The following NBEAL1 variants were observed in gnomAD, a reference collection of about 807,000 sequenced individuals.
The protein encoded by NBEAL1 is neurobeachin-like protein 1.
NBEAL1 carries 273 observed loss-of-function variants against 351.3 expected under a neutral mutation model. The observed-to-expected ratio is 0.78, with a 90% confidence interval of 0.70 to 0.86. The LOEUF is 0.86. Among genes scored for constraint, NBEAL1 ranks in the 40% least tolerant of loss-of-function variants. The probability of loss-of-function intolerance (pLI) is 0.00; values close to 1 mark genes in which losing one functional copy is unlikely to be tolerated. For synonymous variants in NBEAL1, 1,050 were observed against 1,086.4 expected, an observed-to-expected ratio of 0.97 and a Z score of 0.66; for missense variants, 2,961 against 3,201.3, an observed-to-expected ratio of 0.92 and a Z score of 1.81.
chr2:203,136,246 C>A lies in NBEAL1; in HGVS notation c.4383C>A (p.Ser1461Arg). 6.4e-7 allele frequency: 1 copy of A among 1,562,908 alleles called. No homozygotes were observed. The highest frequency in any genetic ancestry group is 8.6e-7 in the Non-Finnish European group (1 of 1,159,626). ...GFSDDFSLLE[S>R]QERCEEELLQ... ...GTGATGACTTCTCTTTACTTGAAAG[C>A]CAAGAGGTAAAATTGCTTATTTTTC... Residue 1461 changes from serine to arginine, a missense_variant, in exon 28 of 56, where the codon AGC becomes AGA. Ser to Arg is a moderately radical substitution (Grantham distance 110). Transcript: ENST00000683969.
chr2:203,210,971 T>C lies in NBEAL1; in HGVS notation c.7799T>C (p.Leu2600Ser). Residue 2600 changes from leucine (L) to serine (S), a missense_variant, in exon 54 of 56, where the codon TTA becomes TCA. Leu to Ser is a moderately radical substitution (Grantham distance 145). Coordinates refer to ENST00000683969, the MANE Select transcript of NBEAL1 (RefSeq NM_001378026.1). The stretch of plus-strand genomic sequence containing the variant: ...AATTCTTTTCAGGATAAGAATGCAT[T>C]ACATCTGTTTTCTATAAATGGCAAG... ...EKTTLKDKNALHLFSINGKYL... is the reference protein window; with the variant it reads ...EKTTLKDKNASHLFSINGKYL... 22 of 1,580,154 alleles carry C rather than the reference T, an allele frequency of 1.4e-5. No individual in the cohort carries two copies. The highest frequency in any genetic ancestry group is 1.8e-5 in the Non-Finnish European group (21 of 1,162,742).
chr2:203,222,968 A>T lies in NBEAL1; in HGVS notation c.*5614A>T, dbSNP rs772809999. Among the ~76,000 whole-genome samples the T allele has an allele frequency of 6.6e-6, 1 of 152,198 alleles. No homozygotes were observed. Among genetic ancestry groups the T allele is most frequent in the Non-Finnish European group, 1.5e-5 (1 of 68,014 alleles). On this transcript the variant is annotated 3_prime_UTR_variant, in exon 56 of 56. Coordinates refer to ENST00000683969, the MANE Select transcript of NBEAL1 (RefSeq NM_001378026.1). ...AATAATTCAGTTTTCTGTGTTAAGAAATGTAAGGCCATCCTAGAGTATAGG... is the reference window on the plus strand; with the variant it reads ...AATAATTCAGTTTTCTGTGTTAAGATATGTAAGGCCATCCTAGAGTATAGG...
intron 14 of NBEAL1, among the ~76,000 whole-genome samples, chr2:203,109,314 G>A (rs1467868458): frequency 1.3e-5 from 2 of 151,986 alleles, no homozygotes; most frequent in East Asian, 1.9e-4. Flanking sequence ...AGCTGAGATC[G>A]CACCACTGTG....
At chr2:203,123,342 C>CTTT (rs556349216) in intron 19 of NBEAL1, among the ~76,000 whole-genome samples, 1 of 139,048 alleles carries the variant, frequency 7.2e-6, no homozygotes, top group Non-Finnish European at 1.6e-5. Flanking sequence ...TTTCTTTTTT[C>CTTT]TTTTTTTTTT....
intron 3 of NBEAL1, among the ~76,000 whole-genome samples, chr2:203,043,192 A>G (rs2061170703): frequency 6.6e-6 from 1 of 152,222 alleles, no homozygotes; most frequent in Non-Finnish European, 1.5e-5. Context: ...ATTTTTAGAA[A>G]CTAGATTTAA....
intron 27 of NBEAL1, among the ~76,000 whole-genome samples, chr2:203,135,347 G>T (rs1010562482): frequency 6.6e-6 from 1 of 152,032 alleles, no homozygotes; most frequent in South Asian, 2.1e-4. Flanking sequence ...AAATGTAGGG[G>T]GCTCATGGAA....
chr2:203,100,551 T>TC (rs1200510886), intron 12 of NBEAL1, among the ~76,000 whole-genome samples: 2 of 150,308 alleles, frequency 1.3e-5, no homozygotes, highest in East Asian at 1.9e-4. Flanking sequence ...TTCTTTTCTT[T>TC]TTTTTTTTTT....
At chr2:203,123,998 A>G (rs957428904) in intron 19 of NBEAL1, among the ~76,000 whole-genome samples, 6 of 152,236 alleles carry the variant, frequency 3.9e-5, no homozygotes, top group South Asian at 2.1e-4. Context: ...ACTTATTTAC[A>G]CAAAGAGCTC....
chr2:203,210,697 A>G (rs2065763235), intron 53 of NBEAL1, among the ~76,000 whole-genome samples: 1 of 152,094 alleles, frequency 6.6e-6, no homozygotes, highest in African/African-American at 2.4e-5. Flanking sequence ...TTGTTTTAAG[A>G]ATGTAGAGTT....
chr2:203,101,795 G>A (rs759628681), intron 12 of NBEAL1, among the ~76,000 whole-genome samples: 8 of 151,988 alleles, frequency 5.3e-5, no homozygotes, highest in East Asian at 1.9e-4. Context: ...AGGGTTTCAC[G>A]ATGTTGACCA....
chr2:203,119,424 C>CTTTTCTTTTTT (rs2062776482), intron 18 of NBEAL1, among the ~76,000 whole-genome samples: 1 of 66,656 alleles, frequency 1.5e-5, no homozygotes, highest in Non-Finnish European at 2.6e-5. Context: ...CGGCCTGTTG[C>CTTTTCTTTTTT]TTTTTTTTTT....
rs1318288539 is a variant in NBEAL1 at position 203,107,782 on chromosome 2, A to G, written c.1543A>G (p.Asn515Asp). ...INRQSRTTCV[N>D]ANMGIRIIET... is the part of the protein sequence containing the mutation. ...TAGACAGAGTCGAACTACTTGTGTC[A>G]ATGCAAACATGGGGATTAGAATCAT... The change falls in exon 14 of 56, where the codon AAT becomes GAT. Residue 515 changes from asparagine to aspartate, a missense_variant. Physicochemically the swap from Asn to Asp is conservative, Grantham distance 23. Coordinates refer to ENST00000683969, the MANE Select transcript of NBEAL1 (RefSeq NM_001378026.1). 3.9e-6 allele frequency: 6 copies of G among 1,554,550 alleles called. No homozygotes were observed. Among genetic ancestry groups the G allele is most frequent in the East Asian group, 4.8e-5 (2 of 41,774 alleles).
chr2:203,206,244 A>G (rs1356493718), intron 51 of NBEAL1, among the ~76,000 whole-genome samples: 1 of 152,244 alleles, frequency 6.6e-6, no homozygotes, highest in African/African-American at 2.4e-5. Flanking sequence ...GTACCATTAC[A>G]TACTCCATAA....
intron 3 of NBEAL1, among the ~76,000 whole-genome samples, 189 bp from the exon 4 acceptor site, chr2:203,049,625 T>G (rs1025426506): frequency 5.9e-5 from 9 of 152,196 alleles, no homozygotes; most frequent in South Asian, 2.1e-4. Flanking sequence ...TTCTAGTTAC[T>G]TCTAGTTACT....
chr2:203,138,828 C>CT (rs2063291014), intron 31 of NBEAL1, 80 bp downstream of exon 31: 1 of 1,362,266 alleles, frequency 7.3e-7, no homozygotes, highest in South Asian at 1.8e-5. Context: ...GTTAAAATGT[C>CT]TTTTTGGTAT....
Position 203,217,833 on chromosome 2 carries a change from A to T in NBEAL1, c.*479A>T. ...GTATCTGTTGCACACTTGGATTTTCAAAACTCGGTGAAAGTTACAAGTTTG... is the reference window on the plus strand; with the variant it reads ...GTATCTGTTGCACACTTGGATTTTCTAAACTCGGTGAAAGTTACAAGTTTG... On this transcript the variant is annotated 3_prime_UTR_variant, in exon 56 of 56. Transcript: ENST00000683969. 1.0e-6 allele frequency: 1 copy of T among 985,318 alleles called. No individual in the cohort carries two copies. Among genetic ancestry groups the T allele is most frequent in the Non-Finnish European group, 1.2e-6 (1 of 829,834 alleles). The allele number at this position is 985,318 out of a possible 1,614,324, so 61.0% of individuals were successfully genotyped here.
intron 42 of NBEAL1, among the ~76,000 whole-genome samples, chr2:203,176,348 T>A (rs991667860): frequency 2.0e-5 from 3 of 151,976 alleles, no homozygotes; most frequent in Non-Finnish European, 2.9e-5. Context: ...CAGGCTGGTC[T>A]TGAACTCCTG....
chr2:203,068,712 G>T (rs1425597749), intron 7 of NBEAL1, among the ~76,000 whole-genome samples: 1 of 152,070 alleles, frequency 6.6e-6, no homozygotes, highest in Non-Finnish European at 1.5e-5. Context: ...TTTAATGATG[G>T]TGGTATAGTT....
intron 12 of NBEAL1, among the ~76,000 whole-genome samples, chr2:203,100,854 T>G (rs2062303184): frequency 6.6e-6 from 1 of 152,218 alleles, no homozygotes; most frequent in South Asian, 2.1e-4. Context: ...AGCCCTGTTT[T>G]CTTTTGAAAA....
Sources: allele counts gnomAD v4.1 joint callset (sites outside exome capture counted in the v4.1 genomes callset), GRCh38; gene constraint gnomAD v4.1.1; transcripts MANE v1.5; gene names NCBI Gene and HGNC (gene_info 2026-07-23, HGNC 2026-07-21).